SH3PXD2A: variants seen among roughly 807,000 people sequenced by gnomAD.
SH3PXD2A encodes the protein SH3 and PX domains 2A.
In SH3PXD2A, 32 loss-of-function variants were observed where a neutral mutation model predicts 115.2. The observed-to-expected ratio is 0.28, with a 90% CI of 0.21 to 0.37. The LOEUF (loss-of-function observed/expected upper bound fraction) is 0.37, where lower values mean the gene tolerates loss of function less well. Among genes scored for constraint, SH3PXD2A ranks in the 10% least tolerant of loss-of-function variants. The probability of loss-of-function intolerance (pLI) is 1.00; values close to 1 mark genes in which losing one functional copy is unlikely to be tolerated. For missense variants in SH3PXD2A, 1,328 were observed against 1,498.7 expected (o/e 0.89, Z 1.88); for synonymous variants, 610 against 629.1 (o/e 0.97, Z 0.45).
intron 2 of SH3PXD2A, among the ~76,000 whole-genome samples, chr10:103,788,797 G>A (rs1325345742): frequency 1.3e-5 from 2 of 152,104 alleles, no homozygotes; most frequent in African/African-American, 4.8e-5. Flanking sequence ...CAGGAGAATC[G>A]CTTGAACCCG....
At chr10:103,716,862 G>A (rs1289398266) in intron 5 of SH3PXD2A, among the ~76,000 whole-genome samples, 1 of 152,260 alleles carries the variant, frequency 6.6e-6, no homozygotes, top group African/African-American at 2.4e-5. Context: ...AGGCAGCCTT[G>A]CATCTCCAGA....
At chr10:103,656,506 C>T (rs2037214241) in intron 8 of SH3PXD2A, among the ~76,000 whole-genome samples, 1 of 152,178 alleles carries the variant, frequency 6.6e-6, no homozygotes, top group Non-Finnish European at 1.5e-5. Flanking sequence ...GCAGGCTGGT[C>T]TACAGTTAGA....
At chr10:103,613,439 C>G (rs1028324932) in intron 11 of SH3PXD2A, among the ~76,000 whole-genome samples, 1 of 152,228 alleles carries the variant, frequency 6.6e-6, no homozygotes, top group African/African-American at 2.4e-5. Flanking sequence ...GGTGGGCTCT[C>G]ATGTTCTGCA....
chr10:103,778,743 G>A (rs901266071), intron 2 of SH3PXD2A, among the ~76,000 whole-genome samples: 1 of 152,192 alleles, frequency 6.6e-6, no homozygotes, highest in Admixed American at 6.5e-5. Context: ...CTGCTTTCAG[G>A]GAGCTGCTCA....
At chr10:103,771,738 A>AACACACAC (rs3068820) in intron 2 of SH3PXD2A, among the ~76,000 whole-genome samples, 2,476 of 143,002 alleles carry the variant, frequency 0.017, 31 homozygotes, top group African/African-American at 0.029. Context: ...CCGTCAAAAC[A>AACACACAC]ACACACACAC....
At chr10:103,845,921 C>G (rs368626829) in intron 1 of SH3PXD2A, among the ~76,000 whole-genome samples, 4 of 152,248 alleles carry the variant, frequency 2.6e-5, no homozygotes, top group African/African-American at 7.2e-5. Flanking sequence ...ATCCCTACCC[C>G]ACCTGGTACA....
chr10:103,805,307 C>A (rs2039190847), intron 1 of SH3PXD2A, among the ~76,000 whole-genome samples: 1 of 152,196 alleles, frequency 6.6e-6, no homozygotes, highest in African/African-American at 2.4e-5. Flanking sequence ...AGGTAGGAAG[C>A]AGCAGACTCT....
At chr10:103,787,119 G>A (rs1277063109) in intron 2 of SH3PXD2A, among the ~76,000 whole-genome samples, 1 of 152,164 alleles carries the variant, frequency 6.6e-6, no homozygotes, top group Non-Finnish European at 1.5e-5. Flanking sequence ...CAGGGAGCCT[G>A]CCCTAGACAG....
chr10:103,811,572 C>A (rs2039271291), intron 1 of SH3PXD2A, among the ~76,000 whole-genome samples: 1 of 152,210 alleles, frequency 6.6e-6, no homozygotes, highest in African/African-American at 2.4e-5. Context: ...TCAAATGCAG[C>A]CATTCACTCT....
At chr10:103,769,363 ATGAT>A (rs1380644388) in intron 2 of SH3PXD2A, among the ~76,000 whole-genome samples, 2 of 152,044 alleles carry the variant, frequency 1.3e-5, no homozygotes, top group African/African-American at 4.8e-5. Flanking sequence ...AGACTGCAGC[ATGAT>A]TAACTTTCAC....
chr10:103,826,920 G>A (rs1266028706), intron 1 of SH3PXD2A, among the ~76,000 whole-genome samples: 3 of 152,230 alleles, frequency 2.0e-5, no homozygotes, highest in Non-Finnish European at 4.4e-5. Context: ...AGGAAACCCT[G>A]CCTGGAGGAT....
intron 8 of SH3PXD2A, among the ~76,000 whole-genome samples, chr10:103,656,523 T>C (rs1206608443): frequency 6.6e-6 from 1 of 152,188 alleles, no homozygotes; most frequent in African/African-American, 2.4e-5. Flanking sequence ...TAGAAGAGCA[T>C]AGCTGTGCTT....
At position 103,603,380 on chromosome 10, in the gene SH3PXD2A, G is replaced by A; in HGVS notation, c.1838C>T (p.Ala613Val). The change falls in exon 15 of 15, where the codon GCC (alanine) becomes GTC (valine). Residue 613 changes from alanine to valine, a missense_variant. By Grantham distance (64) the Ala-to-Val change is moderately conservative. Around this residue, in one of 5 missense-constraint regions of SH3PXD2A, gnomAD observed 509 missense variants for 628.3 expected, o/e 0.81. Coordinates refer to ENST00000369774, the MANE Select transcript of SH3PXD2A (RefSeq NM_001394015.1). The stretch of plus-strand genomic sequence containing the variant: ...CTCATAGATGGTCTCCTCTTCCAGG[G>A]CCACATCCTCTGAAGACTCACCCAC... The part of the protein sequence containing the change: ...FKVGESSEDV[A>V]LEEETIYENE... 1 of 1,614,160 alleles carries A rather than the reference G, an allele frequency of 6.2e-7. No homozygotes were observed. The highest frequency in any genetic ancestry group is 1.1e-5 in the South Asian group (1 of 91,084).
chr10:103,657,170 A>G (rs939037892), intron 8 of SH3PXD2A, among the ~76,000 whole-genome samples: 1 of 152,096 alleles, frequency 6.6e-6, no homozygotes, highest in Non-Finnish European at 1.5e-5. Flanking sequence ...CTCCCAATGT[A>G]TCATGCCCGG....
intron 6 of SH3PXD2A, among the ~76,000 whole-genome samples, chr10:103,683,728 C>G (rs2037640522): frequency 1.3e-5 from 2 of 152,162 alleles, no homozygotes; most frequent in South Asian, 4.1e-4. Flanking sequence ...GCTCCACATC[C>G]TTACTCATGC....
At chr10:103,717,590 C>G (rs1292727446) in intron 5 of SH3PXD2A, among the ~76,000 whole-genome samples, 1 of 152,146 alleles carries the variant, frequency 6.6e-6, no homozygotes. Flanking sequence ...TGGGGCCCTA[C>G]GGCCAGATCT....
chr10:103,682,990 C>G (rs2037630689), intron 6 of SH3PXD2A, among the ~76,000 whole-genome samples: 1 of 152,124 alleles, frequency 6.6e-6, no homozygotes, highest in African/African-American at 2.4e-5. Flanking sequence ...TCCATGACTT[C>G]CTTTCCAGAC....
intron 2 of SH3PXD2A, among the ~76,000 whole-genome samples, chr10:103,772,997 G>A (rs1363360752): frequency 6.6e-6 from 1 of 152,208 alleles, no homozygotes. Context: ...GCCAAGGCGG[G>A]GTGGATCACC....
intron 4 of SH3PXD2A, among the ~76,000 whole-genome samples, chr10:103,727,016 G>T (rs2038249521): frequency 6.6e-6 from 1 of 152,294 alleles, no homozygotes; most frequent in Non-Finnish European, 1.5e-5. Flanking sequence ...CCTATCCTTG[G>T]CCCCTTGACT....
Sources: gnomAD v4.1 joint callset for allele counts (sites outside exome capture counted in the v4.1 genomes callset) on GRCh38, gnomAD v4.1.1 for gene constraint, gnomAD v4.1.1 regional missense constraint, MANE v1.5 for transcripts, NCBI Gene and HGNC (gene_info 2026-07-23, HGNC 2026-07-21) for gene names.